Variants in CIMAP3 observed in about 807,000 individuals in gnomAD.
CIMAP3 encodes ciliary microtubule-associated protein 3.
chr1:111,352,034 G>C, the CIMAP3 span: 1 of 152,202 alleles, frequency 6.6e-6, no homozygotes, highest in African/African-American at 2.4e-5. Flanking sequence ...GCAGCTAGGG[G>C]ATTGGGTCTG....
the CIMAP3 span, among the ~76,000 whole-genome samples, chr1:111,336,663 A>G: frequency 2.0e-5 from 3 of 152,326 alleles, no homozygotes; most frequent in Admixed American, 1.3e-4. Context: ...AATAAAAAGA[A>G]ATGAACAAAG....
chr1:111,344,558 C>A, the CIMAP3 span, among the ~76,000 whole-genome samples: 1 of 152,164 alleles, frequency 6.6e-6, no homozygotes, highest in South Asian at 2.1e-4. Flanking sequence ...CTGGGTATAT[C>A]TTTGATATCT....
chr1:111,338,882 C>T, the CIMAP3 span, among the ~76,000 whole-genome samples: 8 of 152,198 alleles, frequency 5.3e-5, no homozygotes, highest in South Asian at 2.1e-4. Flanking sequence ...GATACCAAAG[C>T]CTGGCGGAGA....
the CIMAP3 span, among the ~76,000 whole-genome samples, chr1:111,339,507 T>A: frequency 5.6e-4 from 84 of 151,034 alleles, no homozygotes; most frequent in Non-Finnish European, 9.9e-4. Context: ...TTCAGCAAAG[T>A]CTCAGGATAC....
the CIMAP3 span, among the ~76,000 whole-genome samples, chr1:111,336,812 G>A: frequency 2.7e-4 from 41 of 152,066 alleles, no homozygotes; most frequent in Admixed American, 1.2e-3. Flanking sequence ...ATCTAGCAAG[G>A]CAGGCCAACA....
the CIMAP3 span, among the ~76,000 whole-genome samples, chr1:111,342,991 G>A: frequency 6.6e-6 from 1 of 152,174 alleles, no homozygotes; most frequent in Non-Finnish European, 1.5e-5. Flanking sequence ...TCTAGAGAAG[G>A]CAAAGGGTGA....
the CIMAP3 span, among the ~76,000 whole-genome samples, chr1:111,345,209 T>C: frequency 7.9e-3 from 1,202 of 152,342 alleles, 16 homozygotes; most frequent in African/African-American, 0.027. Context: ...TTTTATTTAC[T>C]ATCAGTATTA....
the CIMAP3 span, among the ~76,000 whole-genome samples, chr1:111,347,288 C>T: frequency 6.6e-6 from 1 of 152,226 alleles, no homozygotes; most frequent in Non-Finnish European, 1.5e-5. Flanking sequence ...AAAATCCCTA[C>T]TCCTTCCTCA....
the CIMAP3 span, chr1:111,347,588 C>T: frequency 1.2e-6 from 1 of 823,682 alleles, no homozygotes. Flanking sequence ...TTCGATGGCC[C>T]TGATGTTCTC....
At chr1:111,339,760 C>T in the CIMAP3 span, among the ~76,000 whole-genome samples, 3,174 of 151,810 alleles carry the variant, frequency 0.021, 148 homozygotes, top group African/African-American at 0.073. Flanking sequence ...GAATCAATAT[C>T]GTGAAAATGG....
chr1:111,336,749 T>G, the CIMAP3 span, among the ~76,000 whole-genome samples: 1 of 152,084 alleles, frequency 6.6e-6, no homozygotes, highest in Admixed American at 6.5e-5. Context: ...ACGGGGAGAA[T>G]GGAACCAAGT....
chr1:111,331,782 T>C, the CIMAP3 span, among the ~76,000 whole-genome samples: 1 of 152,074 alleles, frequency 6.6e-6, no homozygotes, highest in Non-Finnish European at 1.5e-5. Flanking sequence ...GTCGTGTTAA[T>C]GTGTCCCTAC....
chr1:111,342,422 T>C, the CIMAP3 span, among the ~76,000 whole-genome samples: 2 of 152,176 alleles, frequency 1.3e-5, no homozygotes, highest in East Asian at 3.8e-4. Flanking sequence ...AGCAAGAGCA[T>C]CAGCCTTGGA....
chr1:111,348,859 C>G, the CIMAP3 span: 41 of 456,040 alleles, frequency 9.0e-5, no homozygotes, highest in Non-Finnish European at 1.5e-4. Context: ...TATTAACATG[C>G]CAGGTAGTTT....
chr1:111,329,529 A>G, the CIMAP3 span, among the ~76,000 whole-genome samples: 47 of 24,194 alleles, frequency 1.9e-3, no homozygotes, highest in African/African-American at 6.3e-4. Context: ...ATATATATAT[A>G]TATATATATA....
At chr1:111,330,836 G>A in the CIMAP3 span, among the ~76,000 whole-genome samples, 1 of 152,208 alleles carries the variant, frequency 6.6e-6, no homozygotes, top group Non-Finnish European at 1.5e-5. Flanking sequence ...CAGGATGGAG[G>A]GTCTGTGCTG....
At chr1:111,333,662 G>T in the CIMAP3 span, among the ~76,000 whole-genome samples, 3 of 152,188 alleles carry the variant, frequency 2.0e-5, no homozygotes, top group Admixed American at 2.0e-4. Flanking sequence ...GGTGGGGAAG[G>T]AGAGGCTGCA....
At chr1:111,348,280 C>T in the CIMAP3 span, 4 of 326,170 alleles carry the variant, frequency 1.2e-5, no homozygotes, top group Non-Finnish European at 2.2e-5. Flanking sequence ...CCTTGGTTCT[C>T]TACCCATCCT....
At chr1:111,337,581 A>C in the CIMAP3 span, among the ~76,000 whole-genome samples, 824 of 151,604 alleles carry the variant, frequency 5.4e-3, 7 homozygotes, top group African/African-American at 0.019. Context: ...TAAACCAACA[A>C]AGATCAAGAG....
Sources: allele counts gnomAD v4.1 joint callset (sites outside exome capture counted in the v4.1 genomes callset), GRCh38; gene constraint gnomAD v4.1.1; transcripts MANE v1.5; gene names NCBI Gene and HGNC (gene_info 2026-07-23, HGNC 2026-07-21).